ABCA13: variants seen among roughly 807,000 people sequenced by gnomAD.
ABCA13 encodes the protein ATP binding cassette subfamily A member 13.
In ABCA13, 476 loss-of-function variants were observed where a neutral mutation model predicts 478.7. The ratio of observed to expected loss-of-function variants is 0.99; its 90% CI spans 0.92 to 1.07. ABCA13 has a LOEUF of 1.07. Ranked by LOEUF, ABCA13 falls within the 50% of genes least tolerant of loss-of-function variation. The pLI is 0.00. For missense variants in ABCA13, 6,060 were observed against 5,910.6 expected (o/e 1.03, Z -0.83); for synonymous variants, 2,252 against 2,158.9 (o/e 1.04, Z -1.20).
chr7:48,626,389 T>G (rs1249668582), intron 59 of ABCA13, among the ~76,000 whole-genome samples: 1 of 152,098 alleles, frequency 6.6e-6, no homozygotes, highest in East Asian at 1.9e-4. Flanking sequence ...GGCACAGAGA[T>G]GAACAATGTA....
intron 39 of ABCA13, among the ~76,000 whole-genome samples, chr7:48,409,924 A>AT (rs1818760420): frequency 9.1e-6 from 1 of 110,480 alleles, no homozygotes; most frequent in South Asian, 2.6e-4. Flanking sequence ...TACTAAAAAT[A>AT]CCAAAAAAAA....
At chr7:48,384,032 C>T (rs1814791512) in intron 35 of ABCA13, among the ~76,000 whole-genome samples, 1 of 152,180 alleles carries the variant, frequency 6.6e-6, no homozygotes, top group Admixed American at 6.6e-5. Context: ...ATGTGTGTCC[C>T]CACTTTGTCA....
intron 33 of ABCA13, 79 bp downstream of exon 33, chr7:48,372,576 T>C (rs2129028420): frequency 8.6e-7 from 1 of 1,166,194 alleles, no homozygotes; most frequent in African/African-American, 1.6e-5. Flanking sequence ...ATCCCACCAC[T>C]CTCACTTTTT....
chr7:48,635,481 A>G (rs182013563), intron 59 of ABCA13, among the ~76,000 whole-genome samples: 2 of 152,276 alleles, frequency 1.3e-5, no homozygotes, highest in African/African-American at 4.8e-5. Context: ...ACCCCACACC[A>G]TGATATGAGG....
intron 40 of ABCA13, among the ~76,000 whole-genome samples, chr7:48,411,069 CTTTTTCTTTCTTTCTCTCCTTTCCTT>C (rs1819094483): frequency 9.0e-6 from 1 of 111,496 alleles, no homozygotes; most frequent in African/African-American, 3.6e-5. Flanking sequence ...TTCTTTCTTT[CTTTTTCTTTCTTTCTCTCCTTTCCTT>C]TCCTTTCCTT....
At chr7:48,519,980 A>G (rs930644613) in intron 52 of ABCA13, 61 bp from the exon 53 acceptor site, 3 of 1,477,560 alleles carry the variant, frequency 2.0e-6, no homozygotes, top group African/African-American at 1.4e-5. Flanking sequence ...AGTTATTGGT[A>G]TATATTATGA....
chr7:48,294,439 T>TG (rs1459720395), intron 20 of ABCA13, among the ~76,000 whole-genome samples: 4 of 87,832 alleles, frequency 4.6e-5, no homozygotes, highest in Non-Finnish European at 4.5e-5. Context: ...TTTTTTTTTT[T>TG]TTGTTTTGTT....
At chr7:48,417,959 CT>C (rs1194219758) in intron 41 of ABCA13, among the ~76,000 whole-genome samples, 3 of 152,128 alleles carry the variant, frequency 2.0e-5, no homozygotes, top group African/African-American at 7.2e-5. Flanking sequence ...ATTTTGGCTT[CT>C]TTATCTTAGT....
At chr7:48,368,685 GTGTA>G (rs1812102660) in intron 32 of ABCA13, among the ~76,000 whole-genome samples, 2 of 72,050 alleles carry the variant, frequency 2.8e-5, no homozygotes, top group African/African-American at 1.2e-4. Context: ...GTGTGTGTAT[GTGTA>G]TATATATATA....
At chr7:48,420,490 A>C (rs1402727065) in intron 41 of ABCA13, among the ~76,000 whole-genome samples, 1 of 152,198 alleles carries the variant, frequency 6.6e-6, no homozygotes, top group Non-Finnish European at 1.5e-5. Context: ...AAACAGAGTA[A>C]ATTTTTGCAG....
intron 55 of ABCA13, among the ~76,000 whole-genome samples, chr7:48,569,928 C>G (rs978846212): frequency 4.6e-5 from 7 of 152,240 alleles, no homozygotes; most frequent in African/African-American, 1.7e-4. Context: ...TCAGTCTGCT[C>G]TTTTTGGATG....
At chr7:48,193,447 GATAT>G (rs1562742969) in intron 2 of ABCA13, among the ~76,000 whole-genome samples, 1 of 151,906 alleles carries the variant, frequency 6.6e-6, no homozygotes, top group African/African-American at 2.4e-5. Flanking sequence ...TGATGCTGAT[GATAT>G]GATGATGATG....
rs575303292 is a variant in ABCA13 at position 48,364,191 on chromosome 7, A to C, written c.10689-3603A>C. Reference sequence around the variant, plus strand: ...CAAAGATAGAGTGCTTCCTGAAAACATATGGATTTCTCACATAGCCTCCGT... The same window carrying C: ...CAAAGATAGAGTGCTTCCTGAAAACCTATGGATTTCTCACATAGCCTCCGT... On this transcript the variant is annotated intron_variant, in intron 31 of 61. Transcript: ENST00000435803. Among the ~76,000 whole-genome samples the C allele has an allele frequency of 7.2e-5, 11 of 152,276 alleles. No homozygotes were observed. In the South Asian group the frequency reaches 1.7e-3, roughly 23 times the overall value.
At chr7:48,237,639 A>C (rs1292223414) in intron 8 of ABCA13, among the ~76,000 whole-genome samples, 1 of 152,118 alleles carries the variant, frequency 6.6e-6, no homozygotes, top group Non-Finnish European at 1.5e-5. Context: ...CTGACTCCTG[A>C]CCCTGTCACT....
intron 55 of ABCA13, among the ~76,000 whole-genome samples, chr7:48,560,345 T>C (rs1786324961): frequency 1.3e-5 from 2 of 152,132 alleles, no homozygotes; most frequent in Admixed American, 6.5e-5. Context: ...GTGCTCTTCC[T>C]CCCCCAAGTG....
At chr7:48,527,082 G>A (rs1234498189) in intron 54 of ABCA13, among the ~76,000 whole-genome samples, 1 of 152,176 alleles carries the variant, frequency 6.6e-6, no homozygotes, top group African/African-American at 2.4e-5. Flanking sequence ...AGGCAGGGAA[G>A]GAAAGGTGGG....
At position 48,273,141 on chromosome 7, in the gene ABCA13, G is replaced by A. The variant is rs761243469; in HGVS notation, c.3475G>A (p.Glu1159Lys). ...GCTTCAAATGTGGACTGAAATCTGGGAAACCATATCTCAATTATTTAAGTT... is the reference window on the plus strand; with the variant it reads ...GCTTCAAATGTGGACTGAAATCTGGAAAACCATATCTCAATTATTTAAGTT... ...SWLQMWTEIWETISQLFKFDM... is the reference protein window; with the variant it reads ...SWLQMWTEIWKTISQLFKFDM... The change falls in exon 17 of 62, where the codon GAA becomes AAA. Residue 1159 changes from glutamate to lysine, a missense_variant. By Grantham distance (56) the Glu-to-Lys change is moderately conservative (BLOSUM62 1). Coordinates refer to ENST00000435803, the MANE Select transcript of ABCA13 (RefSeq NM_152701.5). The A allele has an allele frequency of 6.2e-7, 1 of 1,613,622 alleles. No individual in the cohort carries two copies. Among genetic ancestry groups the A allele is most frequent in the South Asian group, 1.1e-5 (1 of 91,070 alleles).
chr7:48,329,660 TC>T (rs1804903465), intron 27 of ABCA13, among the ~76,000 whole-genome samples: 1 of 152,058 alleles, frequency 6.6e-6, no homozygotes, highest in Non-Finnish European at 1.5e-5. Flanking sequence ...TACTCTTGCA[TC>T]CATCTATCCA....
chr7:48,356,507 C>T (rs944361082), intron 31 of ABCA13, among the ~76,000 whole-genome samples: 29 of 151,600 alleles, frequency 1.9e-4, no homozygotes, highest in Non-Finnish European at 3.4e-4. Context: ...GAAGAGACCT[C>T]AACAAGTGGA....
Sources: gnomAD v4.1 joint callset for allele counts (sites outside exome capture counted in the v4.1 genomes callset) on GRCh38, gnomAD v4.1.1 for gene constraint, MANE v1.5 for transcripts, NCBI Gene and HGNC (gene_info 2026-07-23, HGNC 2026-07-21) for gene names.